Variants in MTHFD1 observed in about 807,000 individuals in gnomAD.
MTHFD1 encodes C-1-tetrahydrofolate synthase, cytoplasmic.
Under a neutral mutation model 110.3 loss-of-function variants are expected in MTHFD1, and 44 were observed. The observed-to-expected ratio is 0.40, with a 90% CI of 0.31 to 0.51. MTHFD1 has a LOEUF of 0.51. MTHFD1 is among the 20% of genes least tolerant of loss of function. The probability of loss-of-function intolerance (pLI) is 0.60; values close to 1 mark genes in which losing one functional copy is unlikely to be tolerated. For missense variants in MTHFD1, 909 were observed against 1,173.1 expected (o/e 0.77, Z 3.29); for synonymous variants, 402 against 428.8 (o/e 0.94, Z 0.77).
chr14:64,458,654 T>C (rs1286851930), intron 27 of MTHFD1: 1 of 368,464 alleles, frequency 2.7e-6, no homozygotes, highest in African/African-American at 2.1e-5. Context: ...TGATGACACA[T>C]TGCAGGTCAG....
chr14:64,456,238 G>T (rs139012650), intron 26 of MTHFD1, among the ~76,000 whole-genome samples: 1,524 of 152,314 alleles, frequency 0.01, 21 homozygotes, highest in South Asian at 0.069. Context: ...TTAGAACAAA[G>T]TATGTGTCAG....
At chr14:64,438,823 A>G (rs1415546108) in intron 16 of MTHFD1, among the ~76,000 whole-genome samples, 1 of 152,250 alleles carries the variant, frequency 6.6e-6, no homozygotes, top group Non-Finnish European at 1.5e-5. Flanking sequence ...ATGCTTTAAA[A>G]TAGATTCCAG....
chr14:64,458,122 C>A, intron 26 of MTHFD1, 92 bp from the exon 27 acceptor site: 1 of 1,028,144 alleles, frequency 9.7e-7, no homozygotes, highest in Non-Finnish European at 1.5e-6. Flanking sequence ...AACTCCTGGC[C>A]TCAAGTGATC....
At chr14:64,411,204 C>T (rs370659538) in intron 3 of MTHFD1, 55 bp downstream of exon 3, 165 of 1,377,212 alleles carry the variant, frequency 1.2e-4, no homozygotes, top group East Asian at 1.8e-4. Flanking sequence ...TGGGTCCTAT[C>T]GATTACCCCT....
intron 16 of MTHFD1, among the ~76,000 whole-genome samples, chr14:64,438,245 C>G (rs1299416553): frequency 6.6e-6 from 1 of 152,156 alleles, no homozygotes; most frequent in Admixed American, 6.5e-5. Flanking sequence ...TTCCAGCCCT[C>G]TAATCATTTG....
intron 11 of MTHFD1, 87 bp from the exon 12 acceptor site, chr14:64,427,250 C>T: frequency 6.9e-7 from 1 of 1,457,920 alleles, no homozygotes; most frequent in South Asian, 1.2e-5. Flanking sequence ...GATTACGAGT[C>T]ATTCTCTAGG....
At chr14:64,441,612 C>T (rs562455828) in intron 19 of MTHFD1, 159 bp downstream of exon 19, 13 of 675,108 alleles carry the variant, frequency 1.9e-5, no homozygotes, top group East Asian at 5.8e-5. Flanking sequence ...CGAGACCATC[C>T]TGGCTAACAT....
At chr14:64,389,314 G>A (rs774425234) in intron 1 of MTHFD1, among the ~76,000 whole-genome samples, 107 of 152,228 alleles carry the variant, frequency 7.0e-4, no homozygotes, top group Admixed American at 4.7e-3. Context: ...CACATCACCC[G>A]TTATGTAAGT....
intron 24 of MTHFD1, among the ~76,000 whole-genome samples, chr14:64,449,870 C>T (rs1263042263): frequency 6.6e-6 from 1 of 152,218 alleles, no homozygotes; most frequent in African/African-American, 2.4e-5. Flanking sequence ...CTCACTGCAA[C>T]CTCTGCCTCC....
intron 3 of MTHFD1, among the ~76,000 whole-genome samples, chr14:64,411,882 T>A (rs555185203): frequency 6.6e-6 from 1 of 151,028 alleles, no homozygotes; most frequent in Non-Finnish European, 1.5e-5. Flanking sequence ...GCCTGGGCAA[T>A]AAGAGTGAAG....
rs11158541 is a variant in MTHFD1 at position 64,429,261 on chromosome 14, A to AACATATATAT, written c.1265-922_1265-921insCATATATATA. ...GACAGTATGAGACTCTGTCTAAAAA[A>AACATATATAT]ATATATATCTGATTTACATTTATTG... On this transcript the variant is annotated intron_variant, in intron 12 of 27. Coordinates refer to ENST00000652337, the MANE Select transcript of MTHFD1 (RefSeq NM_005956.4). 1.7e-4 allele frequency among the ~76,000 whole-genome samples: 18 copies of AACATATATAT among 108,242 alleles called. 2 individuals carry two copies. The highest frequency in any genetic ancestry group is 4.8e-4 in the African/African-American group (14 of 29,360). The allele number at this position is 108,242 out of a possible 152,430, so 71.0% of individuals were successfully genotyped here.
chr14:64,439,421 C>G (rs1486744346), intron 17 of MTHFD1: 2 of 547,256 alleles, frequency 3.7e-6, no homozygotes, highest in Non-Finnish European at 6.6e-6. Context: ...AAGTGAATAT[C>G]CTTGCATAGA....
At position 64,454,747 on chromosome 14, in the gene MTHFD1, A is replaced by G. The variant is rs1368736054; in HGVS notation, c.2590A>G (p.Met864Val). 9.9e-6 allele frequency: 16 copies of G among 1,613,816 alleles called. No homozygotes were observed. Among genetic ancestry groups the G allele is most frequent in the Non-Finnish European group, 1.4e-5 (16 of 1,179,858 alleles). ...GGGCTTTGGGAATCTCCCCATCTGC[A>G]TGGCTAAAACACACTTGTCTTTGTC... ...KQGFGNLPIC[M>V]AKTHLSLSHN... Residue 864 changes from methionine to valine, a missense_variant, in exon 26 of 28, where the codon ATG becomes GTG. Coordinates refer to ENST00000652337, the MANE Select transcript of MTHFD1 (RefSeq NM_005956.4).
At position 64,390,009 on chromosome 14, in the gene MTHFD1, T is replaced by C. The variant is rs192397138; in HGVS notation, c.41+1541T>C. Among the ~76,000 whole-genome samples, 264 of 152,366 alleles carry C rather than the reference T, an allele frequency of 1.7e-3. 2 individuals carry two copies. Among genetic ancestry groups the C allele is most frequent in the Middle Eastern group, 3.4e-3 (1 of 294 alleles). ...CGTTAATTGGAGAGCAAATTAAATA[T>C]GTTTATCAACTCCATAAGGGCAAAT... is the stretch of plus-strand genomic sequence containing the variant. On this transcript the variant is annotated intron_variant, in intron 1 of 27. Coordinates refer to ENST00000652337, the MANE Select transcript of MTHFD1 (RefSeq NM_005956.4).
intron 3 of MTHFD1, 118 bp downstream of exon 3, chr14:64,411,267 GT>G: frequency 1.3e-6 from 1 of 762,384 alleles, no homozygotes; most frequent in Non-Finnish European, 2.3e-6. Context: ...GGAGACATTA[GT>G]TTATCTATTT....
chr14:64,395,330 T>C (rs564401590), intron 1 of MTHFD1, among the ~76,000 whole-genome samples: 3 of 152,372 alleles, frequency 2.0e-5, no homozygotes, highest in Middle Eastern at 3.4e-3. Context: ...GCTTGACTTT[T>C]TGAAAGATGT....
At chr14:64,424,706 G>A (rs2078105604) in intron 8 of MTHFD1, 98 bp from the exon 9 acceptor site, 2 of 1,348,900 alleles carry the variant, frequency 1.5e-6, no homozygotes. Context: ...AGCCTGATGG[G>A]ACTAACACAC....
At chr14:64,401,705 A>AAG (rs1189283210) in intron 2 of MTHFD1, among the ~76,000 whole-genome samples, 1 of 151,864 alleles carries the variant, frequency 6.6e-6, no homozygotes, top group Admixed American at 6.6e-5. Flanking sequence ...CGTCTCAAAA[A>AAG]AAAAAAAAAG....
At chr14:64,403,648 C>G (rs1469485420) in intron 2 of MTHFD1, among the ~76,000 whole-genome samples, 2 of 151,390 alleles carry the variant, frequency 1.3e-5, no homozygotes, top group Non-Finnish European at 2.9e-5. Context: ...CCAAAGTGAT[C>G]CTCCCATTTT....
Sources: allele counts gnomAD v4.1 joint callset (sites outside exome capture counted in the v4.1 genomes callset), GRCh38; gene constraint gnomAD v4.1.1; transcripts MANE v1.5; gene names NCBI Gene and HGNC (gene_info 2026-07-23, HGNC 2026-07-21).